Variants in PLXNC1 observed in about 807,000 individuals in gnomAD.
PLXNC1 encodes the protein plexin-C1.
Under a neutral mutation model 178.2 loss-of-function variants are expected in PLXNC1, and 75 were observed. The observed-to-expected ratio is 0.42, with a 90% CI of 0.35 to 0.51. PLXNC1 has a LOEUF of 0.51. PLXNC1 is among the 20% of genes least tolerant of loss of function. PLXNC1 has a pLI of 0.02. For missense variants in PLXNC1, 1,503 were observed against 1,984.4 expected (o/e 0.76, Z 4.61); for synonymous variants, 790 against 779.9 (o/e 1.01, Z -0.22).
intron 1 of PLXNC1, among the ~76,000 whole-genome samples, chr12:94,152,648 A>G (rs1490301774): frequency 6.6e-6 from 1 of 152,248 alleles, no homozygotes; most frequent in African/African-American, 2.4e-5. Context: ...ATTCCTTTAG[A>G]GCAGACACAG....
At chr12:94,282,433 C>T in intron 23 of PLXNC1, 32 bp downstream of exon 23, 2 of 1,365,450 alleles carry the variant, frequency 1.5e-6, no homozygotes, top group Non-Finnish European at 2.1e-6. Flanking sequence ...GTGTCTCCTT[C>T]CTCATCCCCA....
At chr12:94,264,265 G>T (rs1479134316) in intron 20 of PLXNC1, among the ~76,000 whole-genome samples, 1 of 152,138 alleles carries the variant, frequency 6.6e-6, no homozygotes, top group African/African-American at 2.4e-5. Context: ...GCAGACATCC[G>T]TGTCTGCGAA....
rs748512190 is a variant in PLXNC1 at position 94,300,938 on chromosome 12, C to G, written c.4267C>G (p.Leu1423Val). ...SLPLRFWVNILKNPQFVFDIK... is the reference protein window; with the variant it reads ...SLPLRFWVNIVKNPQFVFDIK... Reference sequence around the variant, plus strand: ...TCCTCTTCGCTTCTGGGTAAACATCCTGAAGAACCCTCAGTTTGTCTTTGA... The same window carrying G: ...TCCTCTTCGCTTCTGGGTAAACATCGTGAAGAACCCTCAGTTTGTCTTTGA... Residue 1423 changes from leucine to valine, a missense_variant, in exon 28 of 31, where the codon CTG (leucine) becomes GTG (valine). Around this residue, in one of 4 missense-constraint regions of PLXNC1, gnomAD observed 639 missense variants for 979.7 expected, o/e 0.65. Transcript: ENST00000258526. The G allele has an allele frequency of 6.2e-7, 1 of 1,613,162 alleles. No homozygotes were observed. The highest frequency in any genetic ancestry group is 1.7e-5 in the Admixed American group (1 of 59,976).
At chr12:94,204,574 A>C (rs1485967622) in intron 4 of PLXNC1, among the ~76,000 whole-genome samples, 2 of 152,182 alleles carry the variant, frequency 1.3e-5, no homozygotes, top group Non-Finnish European at 2.9e-5. Context: ...TTCCCCTCTT[A>C]AAGAGTCTGG....
intron 3 of PLXNC1, among the ~76,000 whole-genome samples, chr12:94,182,323 C>T (rs1291585674): frequency 6.9e-6 from 1 of 144,298 alleles, no homozygotes; most frequent in African/African-American, 2.6e-5. Context: ...GAGGCTGAGG[C>T]AGGAGGATCA....
Position 94,148,879 on chromosome 12 carries a change from A to AACC in PLXNC1, c.-92_-90dup, listed in dbSNP as rs1960826056. On this transcript the variant is annotated 5_prime_UTR_variant, in exon 1 of 31. Coordinates refer to ENST00000258526, the MANE Select transcript of PLXNC1 (RefSeq NM_005761.3). The surrounding 1 kb of genome is among the most constrained non-coding windows in gnomAD (Gnocchi z 4.8). ...CCGCGGGAGCCCGAGCGCGCGCAGGAACCGCCGCCGCCGCCGCCCGCGTCT... is the reference window on the plus strand; with the variant it reads ...CCGCGGGAGCCCGAGCGCGCGCAGGAACCACCGCCGCCGCCGCCGCCCGCGTCT... The AACC allele has an allele frequency of 4.0e-6, 1 of 247,236 alleles. No individual in the cohort carries two copies. Among genetic ancestry groups the AACC allele is most frequent in the Non-Finnish European group, 6.4e-6 (1 of 155,954 alleles). The allele number at this position is 247,236 out of a possible 1,614,324, so 15.3% of individuals were successfully genotyped here. A position where few individuals can be genotyped will look rare whatever the true frequency, so the allele number is the denominator to read the frequency against.
At chr12:94,194,269 A>G (rs12816185) in intron 4 of PLXNC1, among the ~76,000 whole-genome samples, 57,028 of 152,048 alleles carry the variant, frequency 0.38, 11,847 homozygotes, top group East Asian at 0.59. Context: ...ATCACCTTTC[A>G]CCAGGCCCCA....
chr12:94,162,828 A>G (rs1471539728), intron 1 of PLXNC1, among the ~76,000 whole-genome samples: 1 of 152,214 alleles, frequency 6.6e-6, no homozygotes, highest in African/African-American at 2.4e-5. Flanking sequence ...CTCTGAAACC[A>G]TGTCACAGAT....
intron 17 of PLXNC1, among the ~76,000 whole-genome samples, chr12:94,258,523 T>C (rs772663965): frequency 1.3e-5 from 2 of 152,224 alleles, no homozygotes; most frequent in South Asian, 4.1e-4. Context: ...AAGTATTGCT[T>C]AACATACTTT....
At chr12:94,261,946 C>T (rs897670735) in intron 20 of PLXNC1, among the ~76,000 whole-genome samples, 1 of 152,130 alleles carries the variant, frequency 6.6e-6, no homozygotes, top group Non-Finnish European at 1.5e-5. Flanking sequence ...TGAAATCTGC[C>T]TTCTTTTCTG....
intron 4 of PLXNC1, among the ~76,000 whole-genome samples, chr12:94,194,405 T>C (rs918427359): frequency 2.0e-5 from 3 of 152,230 alleles, no homozygotes; most frequent in African/African-American, 7.2e-5. Context: ...GCCAGTTTCT[T>C]ATCTCTGCCA....
intron 1 of PLXNC1, among the ~76,000 whole-genome samples, chr12:94,160,636 T>A (rs908634683): frequency 3.3e-5 from 5 of 152,236 alleles, no homozygotes; most frequent in Non-Finnish European, 5.9e-5. Flanking sequence ...CTAGAGCAGC[T>A]GGTGGCTGTA....
chr12:94,200,095 G>A (rs893919630), intron 4 of PLXNC1, among the ~76,000 whole-genome samples: 7 of 152,270 alleles, frequency 4.6e-5, no homozygotes, highest in Middle Eastern at 3.4e-3. Context: ...GCCCAGCCAG[G>A]TTTGTTTTTT....
At chr12:94,159,106 A>T (rs921864146) in intron 1 of PLXNC1, among the ~76,000 whole-genome samples, 2 of 152,210 alleles carry the variant, frequency 1.3e-5, no homozygotes, top group African/African-American at 4.8e-5. Flanking sequence ...AGCTCCTATT[A>T]TGTGCCAAGC....
At chr12:94,153,074 A>G (rs962940253) in intron 1 of PLXNC1, among the ~76,000 whole-genome samples, 2 of 152,190 alleles carry the variant, frequency 1.3e-5, no homozygotes, top group African/African-American at 4.8e-5. Context: ...TTCCACATGT[A>G]TTATTTCTTT....
chr12:94,193,305 G>A (rs1435455972), intron 4 of PLXNC1, among the ~76,000 whole-genome samples: 4 of 152,200 alleles, frequency 2.6e-5, no homozygotes, highest in Non-Finnish European at 5.9e-5. Flanking sequence ...AGAGCTGGCA[G>A]ATCAGTTAGC....
At chr12:94,159,111 C>A (rs578260117) in intron 1 of PLXNC1, among the ~76,000 whole-genome samples, 1 of 152,128 alleles carries the variant, frequency 6.6e-6, no homozygotes, top group African/African-American at 2.4e-5. Context: ...CTATTATGTG[C>A]CAAGCAATGT....
intron 3 of PLXNC1, 196 bp from the exon 4 acceptor site, chr12:94,186,177 G>GACGCAC: frequency 3.7e-6 from 2 of 541,452 alleles, no homozygotes; most frequent in Non-Finnish European, 3.4e-6. Flanking sequence ...AATACGCACT[G>GACGCAC]TCAAAAGCTC....
At chr12:94,303,496 CT>C (rs1968671070) in intron 28 of PLXNC1, among the ~76,000 whole-genome samples, 1 of 152,002 alleles carries the variant, frequency 6.6e-6, no homozygotes, top group African/African-American at 2.4e-5. Context: ...AATTTTAGTT[CT>C]TTTATGAGAG....
Sources: gnomAD v4.1 joint callset for allele counts (sites outside exome capture counted in the v4.1 genomes callset) on GRCh38, gnomAD v4.1.1 for gene constraint, gnomAD v4.1.1 regional missense constraint, Gnocchi (gnomAD v3.1) non-coding constraint, MANE v1.5 for transcripts, NCBI Gene and HGNC (gene_info 2026-07-23, HGNC 2026-07-21) for gene names.